The following AK2 variants were observed in gnomAD, a reference collection of about 807,000 sequenced individuals.
AK2 encodes adenylate kinase 2.
Under a neutral mutation model 24.6 loss-of-function variants are expected in AK2, and 15 were observed. The observed-to-expected ratio is 0.61, with a 90% confidence interval of 0.41 to 0.94. The LOEUF is 0.94. Among genes scored for constraint, AK2 ranks in the 40% least tolerant of loss-of-function variants. The pLI, the probability that AK2 is intolerant of heterozygous loss-of-function variation, is 0.00. For missense variants in AK2, 257 were observed against 304.1 expected, an observed-to-expected ratio of 0.85 and a Z score of 1.15; for synonymous variants, 102 against 114.0, an observed-to-expected ratio of 0.90 and a Z score of 0.67.
intron 1 of AK2, among the ~76,000 whole-genome samples, chr1:33,027,145 T>C (rs1639943126): frequency 6.6e-6 from 1 of 152,158 alleles, no homozygotes; most frequent in African/African-American, 2.4e-5. Flanking sequence ...ACCAAAATTC[T>C]GTACTTTGCA....
chr1:33,027,885 G>C (rs774378858), intron 1 of AK2, among the ~76,000 whole-genome samples: 1 of 152,180 alleles, frequency 6.6e-6, no homozygotes, highest in Non-Finnish European at 1.5e-5. Flanking sequence ...TTGATTCCTA[G>C]CTAAGGCACT....
intron 1 of AK2, chr1:33,029,223 T>G (rs1412681049): frequency 6.6e-6 from 1 of 152,194 alleles, no homozygotes; most frequent in Non-Finnish European, 1.5e-5. Flanking sequence ...CTTCTTCTTA[T>G]GTTTTTTTAG....
At chr1:33,032,043 A>G (rs754027488) in intron 1 of AK2, 4 of 194,466 alleles carry the variant, frequency 2.1e-5, no homozygotes, top group Non-Finnish European at 4.3e-5. Context: ...GTCATGCAAC[A>G]TAAAGCACAT....
intron 3 of AK2, 52 bp from the exon 4 acceptor site, chr1:33,021,513 T>A (rs374484447): frequency 5.0e-6 from 8 of 1,605,614 alleles, no homozygotes; most frequent in Middle Eastern, 1.6e-4. Context: ...GTTAGACCCA[T>A]CTCCTTCAAA....
At position 33,010,900 on chromosome 1, in the gene AK2, G is replaced by A. The variant is rs1016160330; in HGVS notation, c.*2281C>T. On this transcript the variant is annotated 3_prime_UTR_variant, in exon 6 of 6. Coordinates refer to ENST00000672715, the MANE Select transcript of AK2 (RefSeq NM_001625.4). ...AAAAACCAAGTACATATCAGAGGAG[G>A]CTGGCATGTAAGCCCCAGCAACCAA... 3.7e-6 allele frequency: 6 copies of A among 1,609,864 alleles called. No homozygotes were observed. Among genetic ancestry groups the A allele is most frequent in the Non-Finnish European group, 5.1e-6 (6 of 1,178,122 alleles).
chr1:33,013,344 C>T lies in AK2; in HGVS notation c.557G>A (p.Arg186His), dbSNP rs754485826. 1.5e-5 allele frequency: 25 copies of T among 1,613,964 alleles called. No individual in the cohort carries two copies. The highest frequency in any genetic ancestry group is 1.8e-5 in the Non-Finnish European group (21 of 1,179,960). Residue 186 changes from arginine to histidine, a missense_variant, in exon 6 of 6, where the codon CGC (arginine) becomes CAC (histidine). Arg to His is a conservative substitution (Grantham distance 29). Transcript: ENST00000672715. ...GGTTTGAGTGTGGTAGGCTTGCAGG[C>T]GGATTTTCAAGGCCTTTTCATTATC... ...SDDNEKALKIRLQAYHTQTTP... is the reference protein window; with the variant it reads ...SDDNEKALKIHLQAYHTQTTP...
At chr1:33,029,078 T>A (rs955021720) in intron 1 of AK2, among the ~76,000 whole-genome samples, 18 of 152,192 alleles carry the variant, frequency 1.2e-4, no homozygotes, top group South Asian at 4.1e-4. Flanking sequence ...TGAACTGTTG[T>A]GGGGATTTAA....
intron 2 of AK2, among the ~76,000 whole-genome samples, chr1:33,022,802 T>A (rs1210772666): frequency 6.6e-6 from 1 of 152,218 alleles, no homozygotes; most frequent in African/African-American, 2.4e-5. Flanking sequence ...CTAATGCTTT[T>A]ATTTCTTGGT....
rs1307491262 is a variant in AK2 at position 33,009,923 on chromosome 1, A to G, written c.*3258T>C. On this transcript the variant is annotated 3_prime_UTR_variant, in exon 6 of 6. Transcript: ENST00000672715. ...AAAAAAATGCCACAACAGGGGATACAAATTTTAACATATTTTATTGATTTA... is the reference window on the plus strand; with the variant it reads ...AAAAAAATGCCACAACAGGGGATACGAATTTTAACATATTTTATTGATTTA... The G allele has an allele frequency of 1.8e-5, 8 of 454,462 alleles. No homozygotes were observed. In the Admixed American group the frequency reaches 1.9e-4, roughly 11 times the overall value. 28.2% of individuals were successfully genotyped at this position (454,462 alleles called of 1,614,324 possible).
At chr1:33,025,125 C>A (rs1204063240) in intron 1 of AK2, among the ~76,000 whole-genome samples, 1 of 137,212 alleles carries the variant, frequency 7.3e-6, no homozygotes, top group Non-Finnish European at 1.5e-5. Flanking sequence ...GCAGAGGCTG[C>A]AGTGAGCTGA....
At chr1:33,030,098 T>C (rs933359327) in intron 1 of AK2, among the ~76,000 whole-genome samples, 6 of 152,234 alleles carry the variant, frequency 3.9e-5, no homozygotes, top group Non-Finnish European at 7.3e-5. Context: ...TGCCCTGTGT[T>C]TACGTCCTGC....
In AK2 at chr1:33,010,966, G is replaced by A; in HGVS notation, c.*2215C>T. 1.9e-6 allele frequency: 3 copies of A among 1,552,084 alleles called. No individual in the cohort carries two copies. Among genetic ancestry groups the A allele is most frequent in the Non-Finnish European group, 2.6e-6 (3 of 1,147,948 alleles). On this transcript the variant is annotated 3_prime_UTR_variant, in exon 6 of 6. Coordinates refer to ENST00000672715, the MANE Select transcript of AK2 (RefSeq NM_001625.4). ...GACATTTCTGTGACAGGTAAAAGCA[G>A]AACCTGCTGAGGCTGAGGAACTCTG...
chr1:33,012,661 C>T lies in AK2; in HGVS notation c.*520G>A. 2.4e-6 allele frequency: 3 copies of T among 1,276,220 alleles called. No individual in the cohort carries two copies. Among genetic ancestry groups the T allele is most frequent in the South Asian group, 1.2e-5 (1 of 80,564 alleles). 79.1% of individuals were successfully genotyped at this position (1,276,220 alleles called of 1,614,324 possible). On this transcript the variant is annotated 3_prime_UTR_variant, in exon 6 of 6. Transcript: ENST00000672715. ...TCTGTGATCCTGGCACTTCAGGAGG[C>T]CAAGGTGGGTGGATTGCTTAAGCCT...
chr1:33,012,750 A>C lies in AK2; in HGVS notation c.*431T>G. ...TGTCTCTACAAAAAATACAAATATC[A>C]GCCAGGTGTTGTGGCATGCACCTGT... On this transcript the variant is annotated 3_prime_UTR_variant, in exon 6 of 6. Transcript: ENST00000672715. 1.0e-6 allele frequency: 1 copy of C among 973,212 alleles called. No individual in the cohort carries two copies. Among genetic ancestry groups the C allele is most frequent in the Non-Finnish European group, 1.4e-6 (1 of 702,522 alleles). 60.3% of individuals were successfully genotyped at this position (973,212 alleles called of 1,614,324 possible). A position where few individuals can be genotyped will look rare whatever the true frequency, so the allele number is the denominator to read the frequency against.
At chr1:33,015,688 C>T (rs931069075) in intron 4 of AK2, among the ~76,000 whole-genome samples, 1 of 152,090 alleles carries the variant, frequency 6.6e-6, no homozygotes, top group African/African-American at 2.4e-5. Flanking sequence ...GTCAGGAGTT[C>T]GAGACCAGCC....
chr1:33,019,737 GA>G, intron 4 of AK2: 2 of 1,040,022 alleles, frequency 1.9e-6, no homozygotes, highest in Non-Finnish European at 2.3e-6. Flanking sequence ...TCTGAAATAA[GA>G]AAACATTTTT....
rs1352241640 is a variant in AK2, at chr1:33,008,142, C to G, written c.*5039G>C. On this transcript the variant is annotated 3_prime_UTR_variant, in exon 6 of 6. Coordinates refer to ENST00000672715, the MANE Select transcript of AK2 (RefSeq NM_001625.4). ...ACTTTCTTCAATGCCTACATTTTCC[C>G]TCTGAATTCCATCTGTGTTTACTAA... 2.2e-6 allele frequency: 1 copy of G among 454,008 alleles called. No individual in the cohort carries two copies. Among genetic ancestry groups the G allele is most frequent in the African/African-American group, 2.0e-5 (1 of 49,980 alleles). 28.1% of individuals were successfully genotyped at this position (454,008 alleles called of 1,614,324 possible).
chr1:33,013,462 T>C (rs1638982124), intron 5 of AK2, 60 bp from the exon 6 acceptor site: 8 of 1,566,018 alleles, frequency 5.1e-6, no homozygotes, highest in Non-Finnish European at 6.1e-6. Flanking sequence ...TCTTATTCCA[T>C]GCCAGATGCA....
At chr1:33,026,174 G>C (rs886247304) in intron 1 of AK2, among the ~76,000 whole-genome samples, 1 of 152,138 alleles carries the variant, frequency 6.6e-6, no homozygotes, top group African/African-American at 2.4e-5. Context: ...CAACAAATCA[G>C]TTCACTGGGA....
Sources: allele counts gnomAD v4.1 joint callset (sites outside exome capture counted in the v4.1 genomes callset), GRCh38; gene constraint gnomAD v4.1.1; transcripts MANE v1.5; gene names NCBI Gene and HGNC (gene_info 2026-07-23, HGNC 2026-07-21).